MATN2: variants seen among roughly 807,000 people sequenced by gnomAD.
The protein encoded by MATN2 is matrilin 2.
In MATN2, 69 loss-of-function variants were observed where a neutral mutation model predicts 103.2. The ratio of observed to expected loss-of-function variants is 0.67; its 90% CI spans 0.55 to 0.82. The LOEUF is 0.82. Among genes scored for constraint, MATN2 ranks in the 40% least tolerant of loss-of-function variants. The pLI is 0.00. For missense variants in MATN2, 1,023 were observed against 1,211.5 expected (o/e 0.84, Z 2.31); for synonymous variants, 429 against 450.2 (o/e 0.95, Z 0.60).
intron 1 of MATN2, among the ~76,000 whole-genome samples, chr8:97,874,820 C>T (rs1344033851): frequency 6.6e-5 from 10 of 151,778 alleles, no homozygotes; most frequent in African/African-American, 1.2e-4. Flanking sequence ...TGGGTTCAAG[C>T]GATTCTCCTG....
intron 15 of MATN2, among the ~76,000 whole-genome samples, 170 bp downstream of exon 15, chr8:98,030,784 T>C (rs1813987258): frequency 6.6e-6 from 1 of 152,026 alleles, no homozygotes; most frequent in African/African-American, 2.4e-5. Context: ...TGCTTCAGCC[T>C]CCCGAGAAGC....
chr8:98,034,403 G>A (rs1037004973), intron 18 of MATN2: 2 of 315,624 alleles, frequency 6.3e-6, no homozygotes, highest in African/African-American at 2.2e-5. Flanking sequence ...CTAGTCTATA[G>A]GGAAATGGCT....
chr8:97,960,761 A>G (rs1268575748), intron 4 of MATN2, among the ~76,000 whole-genome samples: 1 of 152,204 alleles, frequency 6.6e-6, no homozygotes, highest in Admixed American at 6.5e-5. Flanking sequence ...TGTCTCAAAA[A>G]AATTATTTAA....
chr8:98,013,391 G>T (rs1010003336), intron 10 of MATN2, among the ~76,000 whole-genome samples: 1 of 152,180 alleles, frequency 6.6e-6, no homozygotes, highest in Non-Finnish European at 1.5e-5. Context: ...ATCCCATGGG[G>T]TTCTTATTTA....
intron 6 of MATN2, among the ~76,000 whole-genome samples, chr8:97,993,979 G>C (rs1812478968): frequency 6.6e-6 from 1 of 151,666 alleles, no homozygotes; most frequent in Non-Finnish European, 1.5e-5. Context: ...AATATGTCAG[G>C]AAGTTTGTCT....
chr8:97,880,165 C>T (rs1303606860), intron 1 of MATN2, among the ~76,000 whole-genome samples: 2 of 151,456 alleles, frequency 1.3e-5, no homozygotes, highest in Non-Finnish European at 2.9e-5. Context: ...CTCACTGCAG[C>T]CTCTGCCTCT....
At chr8:98,027,096 T>C (rs980661650) in intron 13 of MATN2, among the ~76,000 whole-genome samples, 9 of 152,122 alleles carry the variant, frequency 5.9e-5, no homozygotes, top group African/African-American at 1.9e-4. Flanking sequence ...CCCTTCAGTG[T>C]ACTCTACACC....
chr8:97,886,973 C>T (rs558190549), intron 1 of MATN2, among the ~76,000 whole-genome samples: 44 of 151,758 alleles, frequency 2.9e-4, no homozygotes, highest in Non-Finnish European at 5.0e-4. Flanking sequence ...AGTCTCTGCT[C>T]ACTGCAGTCC....
At chr8:97,916,824 A>C (rs989040690) in intron 2 of MATN2, among the ~76,000 whole-genome samples, 9 of 152,232 alleles carry the variant, frequency 5.9e-5, no homozygotes, top group Non-Finnish European at 1.3e-4. Flanking sequence ...TCTCACAAAG[A>C]AAATTGTCCA....
chr8:97,929,798 A>G (rs757299373), intron 2 of MATN2, among the ~76,000 whole-genome samples: 2 of 152,202 alleles, frequency 1.3e-5, no homozygotes, highest in Non-Finnish European at 2.9e-5. Context: ...TGTGTATACC[A>G]TCCATCTTGC....
chr8:97,998,470 C>T (rs1414971349), intron 7 of MATN2, among the ~76,000 whole-genome samples: 2 of 143,006 alleles, frequency 1.4e-5, no homozygotes, highest in African/African-American at 2.6e-5. Context: ...TGCAGTGAGC[C>T]GAGATCGTGC....
rs1204770380 is a variant in MATN2, at chr8:97,960,044, G to T, written c.836-1364G>T. ...GGCTCACTGCAACCTCCACCTCCCGGGTTCAAGCCATTCTCCTGCCTCAGC... is the reference window on the plus strand; with the variant it reads ...GGCTCACTGCAACCTCCACCTCCCGTGTTCAAGCCATTCTCCTGCCTCAGC... On this transcript the variant is annotated intron_variant, in intron 4 of 18. Coordinates refer to ENST00000254898, the MANE Select transcript of MATN2 (RefSeq NM_002380.5). Among the ~76,000 whole-genome samples, 6 of 152,022 alleles carry T rather than the reference G, an allele frequency of 3.9e-5. No homozygotes were observed. The South Asian group carries it at 6.2e-4, about 16-fold the overall frequency.
intron 6 of MATN2, among the ~76,000 whole-genome samples, chr8:97,990,179 CAA>C (rs34924183): frequency 2.2e-5 from 1 of 45,828 alleles, no homozygotes; most frequent in Non-Finnish European, 4.1e-5. Flanking sequence ...AAGACTCTGT[CAA>C]AAAAAAAAAA....
chr8:97,876,390 T>C (rs1293914545), intron 1 of MATN2, among the ~76,000 whole-genome samples: 2 of 152,038 alleles, frequency 1.3e-5, no homozygotes, highest in South Asian at 2.1e-4. Context: ...GATTTCTCCA[T>C]GTTGGTCAGG....
chr8:98,007,032 T>C lies in MATN2; in HGVS notation c.1328-73T>C. On this transcript the variant is annotated intron_variant, in intron 8 of 18. Coordinates refer to ENST00000254898, the MANE Select transcript of MATN2 (RefSeq NM_002380.5). The surrounding 1 kb of genome is among the most constrained non-coding windows in gnomAD (Gnocchi z 4.2). ...GTGGCTTGTTATGCCTCCGGTTTTG[T>C]TTTTGAATCTTGGTTGCTGGTGGGG... 2 of 1,522,938 alleles carry C rather than the reference T, an allele frequency of 1.3e-6. No homozygotes were observed. Among genetic ancestry groups the C allele is most frequent in the Non-Finnish European group, 1.8e-6 (2 of 1,124,126 alleles). 94.3% of individuals were successfully genotyped at this position (1,522,938 alleles called of 1,614,324 possible).
chr8:98,027,928 T>C, intron 14 of MATN2, 99 bp downstream of exon 14: 1 of 1,294,126 alleles, frequency 7.7e-7, no homozygotes, highest in Non-Finnish European at 1.0e-6. Context: ...CTTCTTTGAG[T>C]GTACAGAAAG....
chr8:97,948,912 A>C (rs1236152898), intron 4 of MATN2, among the ~76,000 whole-genome samples: 1 of 152,234 alleles, frequency 6.6e-6, no homozygotes, highest in Non-Finnish European at 1.5e-5. Flanking sequence ...TCTGCTACTA[A>C]AATGAAAGGG....
At chr8:98,010,534 A>G (rs557224067) in intron 10 of MATN2, among the ~76,000 whole-genome samples, 10 of 152,202 alleles carry the variant, frequency 6.6e-5, no homozygotes, top group Admixed American at 5.9e-4. Flanking sequence ...TTGCAGTGCT[A>G]TGTGAACTTG....
intron 16 of MATN2, among the ~76,000 whole-genome samples, 164 bp downstream of exon 16, chr8:98,032,481 A>G (rs1242686488): frequency 1.3e-5 from 2 of 152,158 alleles, no homozygotes; most frequent in East Asian, 1.9e-4. Flanking sequence ...ACATTAAGCC[A>G]TATTTGGTAA....
Sources: gnomAD v4.1 joint callset for allele counts (sites outside exome capture counted in the v4.1 genomes callset) on GRCh38, gnomAD v4.1.1 for gene constraint, Gnocchi (gnomAD v3.1) non-coding constraint, MANE v1.5 for transcripts, NCBI Gene and HGNC (gene_info 2026-07-23, HGNC 2026-07-21) for gene names.